The following VPS26B variants were observed in gnomAD, a reference collection of about 807,000 sequenced individuals.
VPS26B encodes the protein VPS26 retromer complex component B.
Under a neutral mutation model 33.3 loss-of-function variants are expected in VPS26B, and 10 were observed. The ratio of observed to expected loss-of-function variants is 0.30; its 90% CI spans 0.19 to 0.51. The LOEUF (loss-of-function observed/expected upper bound fraction) is 0.51. Ranked by LOEUF, VPS26B falls within the 20% of genes least tolerant of loss-of-function variation. The probability of loss-of-function intolerance (pLI) is 0.98; values close to 1 mark genes in which losing one functional copy is unlikely to be tolerated. For missense variants in VPS26B, 317 were observed against 452.7 expected, an observed-to-expected ratio of 0.70 and a Z score of 2.72; for synonymous variants, 190 against 176.9, an observed-to-expected ratio of 1.07 and a Z score of -0.59.
rs1187796444 is a variant in VPS26B at position 134,245,680 on chromosome 11, C to T, written c.*90C>T. 1.4e-6 allele frequency: 2 copies of T among 1,427,770 alleles called. No homozygotes were observed. The highest frequency in any genetic ancestry group is 2.5e-5 in the East Asian group (1 of 40,006). 88.4% of individuals were successfully genotyped at this position (1,427,770 alleles called of 1,614,324 possible). A position where few individuals can be genotyped will look rare whatever the true frequency, so the allele number is the denominator to read the frequency against. On this transcript the variant is annotated 3_prime_UTR_variant, in exon 6 of 6. Coordinates refer to ENST00000281187, the MANE Select transcript of VPS26B (RefSeq NM_052875.5). The surrounding 1 kb of genome is among the most constrained non-coding windows in gnomAD (Gnocchi z 4.7). ...GGGGGCGGGGGCGGACCTTGTGAGG[C>T]TCAGTTGACCCGTTACTTGCAACCT...
At position 134,243,008 on chromosome 11, in the gene VPS26B, T is replaced by C. The variant is rs1189370948; in HGVS notation, c.546-111T>C. 5 of 1,066,204 alleles carry C rather than the reference T, an allele frequency of 4.7e-6. No homozygotes were observed. In the African/African-American group the frequency reaches 7.9e-5, roughly 17 times the overall value. The allele number at this position is 1,066,204 out of a possible 1,614,324, so 66.0% of individuals were successfully genotyped here. ...TGGGCAGTGATGGGTGAGTGTGTCC[T>C]GCAACTGGACGTTTAACCAGCACGC... On this transcript the variant is annotated intron_variant, in intron 3 of 5. Coordinates refer to ENST00000281187, the MANE Select transcript of VPS26B (RefSeq NM_052875.5).
rs1224117576 is a variant in VPS26B at position 134,225,145 on chromosome 11, A to G, written c.23A>G (p.Gln8Arg). ...GCGATGAGCTTCTTCGGCTTCGGGC[A>G]GAGCGTGGAGGTGGAAATCCTTCTG... MSFFGFG[Q>R]SVEVEILLND... Residue 8 changes from glutamine to arginine, a missense_variant, in exon 1 of 6, where the codon CAG (glutamine) becomes CGG (arginine). Gln to Arg is a conservative substitution (Grantham distance 43). Coordinates refer to ENST00000281187, the MANE Select transcript of VPS26B (RefSeq NM_052875.5). 1 of 1,611,224 alleles carries G rather than the reference A, an allele frequency of 6.2e-7. No homozygotes were observed. The highest frequency in any genetic ancestry group is 2.2e-5 in the East Asian group (1 of 44,758).
In VPS26B at chr11:134,225,276, C is replaced by G. The variant is rs1678342120; in HGVS notation, c.154C>G (p.Leu52Val). The change falls in exon 1 of 6, where the codon CTT becomes GTT. Residue 52 changes from leucine (L) to valine (V), a missense_variant. Leu to Val is a conservative substitution (Grantham distance 32). Coordinates refer to ENST00000281187, the MANE Select transcript of VPS26B (RefSeq NM_052875.5). Reference sequence around the variant, plus strand: ...GGAGACGGTCTCCGGGAAGGTGAGCCTTGCCCTCAAGAACCCCAACAAGCG... The same window carrying G: ...GGAGACGGTCTCCGGGAAGGTGAGCGTTGCCCTCAAGAACCCCAACAAGCG... ...DGETVSGKVS[L>V]ALKNPNKRLE... 1 of 1,614,150 alleles carries G rather than the reference C, an allele frequency of 6.2e-7. No homozygotes were observed. The highest frequency in any genetic ancestry group is 1.7e-5 in the Admixed American group (1 of 60,030).
chr11:134,230,561 G>A (rs1340582700), intron 1 of VPS26B, among the ~76,000 whole-genome samples: 2 of 152,136 alleles, frequency 1.3e-5, no homozygotes, highest in Non-Finnish European at 2.9e-5. Context: ...GCCCCCACTG[G>A]GGCTGCGTCC....
chr11:134,239,912 G>A (rs780741392), intron 2 of VPS26B, 79 bp from the exon 3 acceptor site: 1 of 1,556,544 alleles, frequency 6.4e-7, no homozygotes, highest in African/African-American at 1.4e-5. Flanking sequence ...CTTCTCTCAA[G>A]TGGGCCAATT....
In VPS26B at chr11:134,244,835, T is replaced by C; in HGVS notation, c.722-103T>C. Reference sequence around the variant, plus strand: ...CCTTCCCAGAAGGCTGAAGTGCTCGTGTGCTGCACTCCAGTGGCATCTCTG... The same window carrying C: ...CCTTCCCAGAAGGCTGAAGTGCTCGCGTGCTGCACTCCAGTGGCATCTCTG... On this transcript the variant is annotated intron_variant, in intron 4 of 5. Transcript: ENST00000281187. The surrounding 1 kb of genome is among the most constrained non-coding windows in gnomAD (Gnocchi z 4.0). 1 of 1,443,864 alleles carries C rather than the reference T, an allele frequency of 6.9e-7. No homozygotes were observed. The highest frequency in any genetic ancestry group is 9.2e-7 in the Non-Finnish European group (1 of 1,088,196). The allele number at this position is 1,443,864 out of a possible 1,614,324, so 89.4% of individuals were successfully genotyped here.
chr11:134,235,159 G>GGAAGAGTGTCGC (rs1423281610), intron 2 of VPS26B, 106 bp downstream of exon 2: 2 of 1,418,984 alleles, frequency 1.4e-6, no homozygotes, highest in East Asian at 4.8e-5. Flanking sequence ...ATCCCGAGAA[G>GGAAGAGTGTCGC]GAAGAGTGTC....
intron 1 of VPS26B, among the ~76,000 whole-genome samples, chr11:134,228,228 G>A (rs1938506452): frequency 6.6e-6 from 1 of 151,916 alleles, no homozygotes; most frequent in Admixed American, 6.6e-5. Context: ...CATGGACAGG[G>A]AGTAAAGATG....
Position 134,245,471 on chromosome 11 carries a change from A to G in VPS26B, c.892A>G (p.Ile298Val). 6.2e-7 allele frequency: 1 copy of G among 1,613,948 alleles called. No homozygotes were observed. Among genetic ancestry groups the G allele is most frequent in the Non-Finnish European group, 8.5e-7 (1 of 1,179,858 alleles). The change falls in exon 6 of 6, where the codon ATC (isoleucine) becomes GTC (valine). Residue 298 changes from isoleucine to valine, a missense_variant. Ile to Val is a conservative substitution (Grantham distance 29). Coordinates refer to ENST00000281187, the MANE Select transcript of VPS26B (RefSeq NM_052875.5). The surrounding 1 kb of genome is among the most constrained non-coding windows in gnomAD (Gnocchi z 4.7). ...QEVVLWRKGDIVRKSMSHQAA... is the reference protein window; with the variant it reads ...QEVVLWRKGDVVRKSMSHQAA... ...AGTGGTGTTGTGGCGGAAGGGTGAC[A>G]TCGTACGGAAGAGCATGTCCCACCA...
chr11:134,235,339 A>G (rs1003270687), intron 2 of VPS26B: 1 of 266,302 alleles, frequency 3.8e-6, no homozygotes, highest in African/African-American at 2.2e-5. Context: ...TATTACCATC[A>G]TATGGAGACA....
rs769303833 is a variant in VPS26B at position 134,244,910 on chromosome 11, T to G, written c.722-28T>G. 63 of 1,606,812 alleles carry G rather than the reference T, an allele frequency of 3.9e-5. No homozygotes were observed. Among genetic ancestry groups the G allele is most frequent in the Non-Finnish European group, 4.8e-5 (56 of 1,178,844 alleles). On this transcript the variant is annotated intron_variant, in intron 4 of 5. Transcript: ENST00000281187. The surrounding 1 kb of genome is among the most constrained non-coding windows in gnomAD (Gnocchi z 4.0). ...AGGGAGAGGGCATCACCTTGCCCCC[T>G]GTGCTGACTCCTGCCCTCCCCCTAC... is the stretch of plus-strand genomic sequence containing the variant.
chr11:134,235,238 G>A, intron 2 of VPS26B, 185 bp downstream of exon 2: 1 of 668,878 alleles, frequency 1.5e-6, no homozygotes, highest in Non-Finnish European at 2.4e-6. Context: ...CTAGGTTGTA[G>A]CATGTGTCAA....
intron 3 of VPS26B, 146 bp from the exon 4 acceptor site, chr11:134,242,973 C>A: frequency 1.3e-6 from 1 of 753,234 alleles, no homozygotes; most frequent in Non-Finnish European, 2.2e-6. Flanking sequence ...ACAGTTCAGC[C>A]ACAGCCATGT....
rs537994351 is a variant in VPS26B, at chr11:134,234,370, G to A, written c.224-527G>A. On this transcript the variant is annotated intron_variant, in intron 1 of 5. Coordinates refer to ENST00000281187, the MANE Select transcript of VPS26B (RefSeq NM_052875.5). ...ATTATACCAGCTGATAGAAATAGAC[G>A]CAGTCTAGAAGGAGACCTGCTCTAG... Among the ~76,000 whole-genome samples the A allele has an allele frequency of 2.2e-4, 33 of 152,248 alleles. No homozygotes were observed. The East Asian group carries it at 5.0e-3, about 23-fold the overall frequency.
chr11:134,239,592 A>C (rs1403221256), intron 2 of VPS26B: 2 of 200,634 alleles, frequency 1.0e-5, no homozygotes, highest in Non-Finnish European at 1.0e-5. Context: ...TTGCCCCAAA[A>C]GCCAGGAGTT....
At position 134,244,170 on chromosome 11, in the gene VPS26B, C is replaced by G. The variant is rs1938774862; in HGVS notation, c.722-768C>G. 6.6e-6 allele frequency: 1 copy of G among 152,166 alleles called. No individual in the cohort carries two copies. The highest frequency in any genetic ancestry group is 2.1e-4 in the South Asian group (1 of 4,830). The allele number at this position is 152,166 out of a possible 1,614,324, so 9.4% of individuals were successfully genotyped here. A position where few individuals can be genotyped will look rare whatever the true frequency, so the allele number is the denominator to read the frequency against. ...TTTGTCACTGGCTGTGCAAATAGAGCCAGCTGTCATTTTTCCTGTACAAAT... is the reference window on the plus strand; with the variant it reads ...TTTGTCACTGGCTGTGCAAATAGAGGCAGCTGTCATTTTTCCTGTACAAAT... On this transcript the variant is annotated intron_variant, in intron 4 of 5. Coordinates refer to ENST00000281187, the MANE Select transcript of VPS26B (RefSeq NM_052875.5). This position sits in a 1 kb window ranked among gnomAD's most constrained non-coding sequence, Gnocchi z 4.0.
chr11:134,225,538 A>G, intron 1 of VPS26B, 193 bp downstream of exon 1: 2 of 627,966 alleles, frequency 3.2e-6, no homozygotes, highest in Non-Finnish European at 5.6e-6. Context: ...CAAAAGTGAC[A>G]GCGCGCTGCC....
chr11:134,230,567 C>T (rs142355371), intron 1 of VPS26B, among the ~76,000 whole-genome samples: 4 of 152,290 alleles, frequency 2.6e-5, no homozygotes, highest in East Asian at 1.9e-4. Flanking sequence ...ACTGGGGCTG[C>T]GTCCTCACTG....
At chr11:134,239,669 G>A (rs1272494301) in intron 2 of VPS26B, 1 of 363,854 alleles carries the variant, frequency 2.7e-6, no homozygotes, top group Non-Finnish European at 5.2e-6. Context: ...AAAGGCCCAA[G>A]AATAACATGT....
Sources: allele counts gnomAD v4.1 joint callset (sites outside exome capture counted in the v4.1 genomes callset), GRCh38; gene constraint gnomAD v4.1.1; non-coding constraint Gnocchi (gnomAD v3.1); transcripts MANE v1.5; gene names NCBI Gene and HGNC (gene_info 2026-07-23, HGNC 2026-07-21).